NCAM2: variants seen among roughly 807,000 people sequenced by gnomAD.
NCAM2 encodes neural cell adhesion molecule 2, also known as N-CAM-2.
In NCAM2, 30 loss-of-function variants were observed where a neutral mutation model predicts 98.1. The observed-to-expected ratio is 0.31, with a 90% confidence interval of 0.23 to 0.41. The LOEUF (loss-of-function observed/expected upper bound fraction) is 0.41. Ranked by LOEUF, NCAM2 falls within the 10% of genes least tolerant of loss-of-function variation. The pLI, the probability that NCAM2 is intolerant of heterozygous loss-of-function variation, is 1.00. For missense variants in NCAM2, 867 were observed against 1,005.8 expected (o/e 0.86, Z 1.87); for synonymous variants, 368 against 342.4 (o/e 1.07, Z -0.83).
rs532068473 is a variant in NCAM2 at position 21,394,469 on chromosome 21, C to CTTTTTT, written c.1196-15773_1196-15768dup. On this transcript the variant is annotated intron_variant, in intron 9 of 17. Coordinates refer to ENST00000400546, the MANE Select transcript of NCAM2 (RefSeq NM_004540.5). ...GACCTTAGTTAATTTAAGGGGCCAG[C>CTTTTTT]TTTTTTTTTTTTTTTTTTTTTTTTT... is the stretch of plus-strand genomic sequence containing the variant. Among the ~76,000 whole-genome samples, 16 of 57,672 alleles carry CTTTTTT rather than the reference C, an allele frequency of 2.8e-4. 3 individuals carry two copies. The highest frequency in any genetic ancestry group is 1.2e-3 in the African/African-American group (15 of 12,602). The allele number at this position is 57,672 out of a possible 152,430, so 37.8% of individuals were successfully genotyped here.
At chr21:21,166,011 C>T (rs374445218) in intron 1 of NCAM2, among the ~76,000 whole-genome samples, 20 of 152,104 alleles carry the variant, frequency 1.3e-4, no homozygotes, top group Admixed American at 4.6e-4. Context: ...TTGGGACCCC[C>T]GCTGTGATGC....
Position 21,402,040 on chromosome 21 carries a change from C to T in NCAM2, c.1196-8234C>T, listed in dbSNP as rs569354048. Reference sequence around the variant, plus strand: ...TCACCTCAGGACCCTGTGATGATTGCGTTAACTGTACAAATTGATTGTAAA... The same window carrying T: ...TCACCTCAGGACCCTGTGATGATTGTGTTAACTGTACAAATTGATTGTAAA... On this transcript the variant is annotated intron_variant, in intron 9 of 17. Transcript: ENST00000400546. Among the ~76,000 whole-genome samples the T allele has an allele frequency of 1.7e-4, 26 of 152,180 alleles. No homozygotes were observed. The South Asian group carries it at 3.5e-3, about 21-fold the overall frequency.
At chr21:21,148,471 C>T (rs774171474) in intron 1 of NCAM2, among the ~76,000 whole-genome samples, 5 of 152,106 alleles carry the variant, frequency 3.3e-5, no homozygotes, top group Admixed American at 6.6e-5. Context: ...TTTATTTGTC[C>T]TTGTAGGGAG....
intron 1 of NCAM2, among the ~76,000 whole-genome samples, chr21:21,187,997 A>G (rs1433439435): frequency 3.3e-5 from 5 of 152,222 alleles, no homozygotes; most frequent in Non-Finnish European, 7.4e-5. Context: ...TACTTGTGCA[A>G]AAATGGAGGA....
chr21:21,452,942 A>G (rs1981456145), intron 12 of NCAM2, among the ~76,000 whole-genome samples: 1 of 94,538 alleles, frequency 1.1e-5, no homozygotes, highest in Admixed American at 1.7e-4. Flanking sequence ...TATATAATAT[A>G]ATTTATACTA....
intron 1 of NCAM2, among the ~76,000 whole-genome samples, chr21:21,232,195 G>C (rs1309985355): frequency 6.6e-6 from 1 of 151,306 alleles, no homozygotes; most frequent in Non-Finnish European, 1.5e-5. Flanking sequence ...TAATGCTAGA[G>C]TTACTTAAAT....
chr21:21,386,141 A>G (rs1039586900), intron 9 of NCAM2, among the ~76,000 whole-genome samples: 2 of 151,806 alleles, frequency 1.3e-5, no homozygotes, highest in Non-Finnish European at 2.9e-5. Flanking sequence ...AGTAATTCTT[A>G]TCTCAAATTC....
intron 5 of NCAM2, among the ~76,000 whole-genome samples, chr21:21,312,031 G>T (rs1601941777): frequency 6.6e-6 from 1 of 152,068 alleles, no homozygotes; most frequent in African/African-American, 2.4e-5. Flanking sequence ...TGTTCTTTCA[G>T]CATGAGGTTT....
At chr21:21,116,434 A>G (rs961365267) in intron 1 of NCAM2, among the ~76,000 whole-genome samples, 2 of 152,202 alleles carry the variant, frequency 1.3e-5, no homozygotes, top group Non-Finnish European at 2.9e-5. Flanking sequence ...ATATACCACA[A>G]GTAGATATGG....
intron 1 of NCAM2, among the ~76,000 whole-genome samples, chr21:21,123,200 C>T (rs1442196331): frequency 6.6e-6 from 1 of 152,110 alleles, no homozygotes; most frequent in South Asian, 2.1e-4. Flanking sequence ...TCGAGACCAT[C>T]CTGGCTGACA....
intron 1 of NCAM2, among the ~76,000 whole-genome samples, chr21:21,017,445 A>AAAAAAAAG (rs2064334711): frequency 2.7e-5 from 4 of 150,610 alleles, no homozygotes; most frequent in Non-Finnish European, 5.9e-5. Flanking sequence ...AAAAAAAAAA[A>AAAAAAAAG]AAAGAAATAG....
intron 1 of NCAM2, among the ~76,000 whole-genome samples, chr21:21,222,124 C>T (rs1262019096): frequency 6.6e-6 from 1 of 152,076 alleles, no homozygotes; most frequent in East Asian, 1.9e-4. Flanking sequence ...ATATTTTAAG[C>T]CTACAGTTGA....
intron 1 of NCAM2, among the ~76,000 whole-genome samples, chr21:21,049,171 C>A (rs1029355686): frequency 1.6e-3 from 221 of 142,378 alleles, no homozygotes; most frequent in African/African-American, 5.7e-3. Context: ...AGGCGCCCGC[C>A]ACCGCGCCCG....
In NCAM2 at chr21:21,294,436, T is replaced by C. The variant is rs529223938; in HGVS notation, c.619+2195T>C. ...ATGCAAATAATTCCTGTTTTGTCTG[T>C]ATCAGTTGGACCCTCCCAAAAGTAA... On this transcript the variant is annotated intron_variant, in intron 5 of 17. Transcript: ENST00000400546. 1.5e-3 allele frequency among the ~76,000 whole-genome samples: 229 copies of C among 152,014 alleles called. 2 individuals carry two copies. Among genetic ancestry groups the C allele is most frequent in the African/African-American group, 5.3e-3 (222 of 41,524 alleles).
intron 11 of NCAM2, among the ~76,000 whole-genome samples, chr21:21,422,178 G>A (rs2077124339): frequency 6.6e-6 from 1 of 152,160 alleles, no homozygotes; most frequent in African/African-American, 2.4e-5. Context: ...CAGGCTTGTT[G>A]GAGGCCATTC....
chr21:21,124,362 C>T (rs1049057807), intron 1 of NCAM2, among the ~76,000 whole-genome samples: 7 of 152,128 alleles, frequency 4.6e-5, no homozygotes, highest in Non-Finnish European at 8.8e-5. Flanking sequence ...AATGATCACA[C>T]AACTTGAGTT....
At chr21:21,464,513 G>A (rs1292426888) in intron 12 of NCAM2, among the ~76,000 whole-genome samples, 2 of 152,166 alleles carry the variant, frequency 1.3e-5, no homozygotes, top group Non-Finnish European at 2.9e-5. Context: ...GCAACATAGT[G>A]AGACCACATC....
At chr21:21,104,771 T>C (rs1294563902) in intron 1 of NCAM2, among the ~76,000 whole-genome samples, 1 of 152,108 alleles carries the variant, frequency 6.6e-6, no homozygotes, top group African/African-American at 2.4e-5. Context: ...TGTACCAGGA[T>C]TGATTTGCGT....
intron 8 of NCAM2, among the ~76,000 whole-genome samples, chr21:21,341,101 G>T (rs941216014): frequency 3.3e-5 from 5 of 151,916 alleles, no homozygotes; most frequent in Non-Finnish European, 7.4e-5. Context: ...ACATAATACA[G>T]CTTAGAAATG....
Sources: allele counts gnomAD v4.1 joint callset (sites outside exome capture counted in the v4.1 genomes callset), GRCh38; gene constraint gnomAD v4.1.1; transcripts MANE v1.5; gene names NCBI Gene and HGNC (gene_info 2026-07-23, HGNC 2026-07-21).